PEX7: variants seen among roughly 807,000 people sequenced by gnomAD.
PEX7 encodes peroxisomal biogenesis factor 7.
Under a neutral mutation model 47.5 loss-of-function variants are expected in PEX7, and 34 were observed. The observed-to-expected ratio is 0.72, with a 90% CI of 0.54 to 0.95. The LOEUF is 0.95. PEX7 is among the 40% of genes least tolerant of loss of function. The pLI is 0.00. For synonymous variants in PEX7, 141 were observed against 148.8 expected (o/e 0.95, Z 0.38); for missense variants, 394 against 400.3 (o/e 0.98, Z 0.13).
intron 9 of PEX7, among the ~76,000 whole-genome samples, chr6:136,913,069 A>T (rs1033489796): frequency 2.0e-5 from 3 of 152,148 alleles, no homozygotes; most frequent in African/African-American, 7.2e-5. Context: ...GCTTTACTTT[A>T]TCTTCCTCTC....
chr6:136,829,505 C>T (rs1315501398), intron 3 of PEX7, among the ~76,000 whole-genome samples: 2 of 152,168 alleles, frequency 1.3e-5, no homozygotes, highest in African/African-American at 4.8e-5. Flanking sequence ...AACCATTACA[C>T]TGGGGGGTTA....
chr6:136,845,669 T>A lies in PEX7; in HGVS notation c.394T>A (p.Ser132Thr). The A allele has an allele frequency of 6.2e-7, 1 of 1,607,784 alleles. No individual in the cohort carries two copies. Among genetic ancestry groups the A allele is most frequent in the Non-Finnish European group, 8.5e-7 (1 of 1,174,194 alleles). Residue 132 changes from serine to threonine, a missense_variant, in exon 4 of 10, where the codon TCA (serine) becomes ACA (threonine). Coordinates refer to ENST00000318471, the MANE Select transcript of PEX7 (RefSeq NM_000288.4). ...TRGEQLVVSG[S>T]WDQTVKLWDP... Reference sequence around the variant, plus strand: ...AGGTGAACAGCTTGTGGTGTCTGGCTCATGGGATCAAACTGTCAAATTGGT... The same window carrying A: ...AGGTGAACAGCTTGTGGTGTCTGGCACATGGGATCAAACTGTCAAATTGGT...
At chr6:136,834,336 C>T (rs1774349190) in intron 3 of PEX7, among the ~76,000 whole-genome samples, 1 of 152,204 alleles carries the variant, frequency 6.6e-6, no homozygotes, top group African/African-American at 2.4e-5. Flanking sequence ...CCTGCTTCAG[C>T]CTCCTAAGTA....
intron 7 of PEX7, chr6:136,870,619 TTTTG>T (rs1681549584): frequency 9.5e-6 from 2 of 210,886 alleles, no homozygotes; most frequent in South Asian, 1.0e-4. Flanking sequence ...AATTTCATCC[TTTTG>T]TTTTTTTACG....
At chr6:136,903,696 TGTCACACAG>T (rs1172463980) in intron 9 of PEX7, among the ~76,000 whole-genome samples, 2 of 152,132 alleles carry the variant, frequency 1.3e-5, no homozygotes, top group African/African-American at 4.8e-5. Context: ...AGGGTCACTG[TGTCACACAG>T]GCTGGAATGC....
intron 8 of PEX7, among the ~76,000 whole-genome samples, chr6:136,881,414 C>T (rs945328093): frequency 3.9e-5 from 6 of 152,116 alleles, no homozygotes; most frequent in African/African-American, 1.2e-4. Flanking sequence ...TCTTGGAATT[C>T]GAACACCTTT....
chr6:136,885,895 GC>G (rs1051536809), intron 8 of PEX7, among the ~76,000 whole-genome samples: 1 of 152,158 alleles, frequency 6.6e-6, no homozygotes, highest in African/African-American at 2.4e-5. Context: ...AAACTTGATG[GC>G]TCAGTTTCCC....
chr6:136,833,336 C>T (rs1774327313), intron 3 of PEX7, among the ~76,000 whole-genome samples: 2 of 152,160 alleles, frequency 1.3e-5, no homozygotes, highest in South Asian at 2.1e-4. Flanking sequence ...CCAGTCACCT[C>T]CTACCAGGTC....
intron 9 of PEX7, among the ~76,000 whole-genome samples, chr6:136,906,624 A>G (rs1323471244): frequency 6.6e-6 from 1 of 152,150 alleles, no homozygotes; most frequent in African/African-American, 2.4e-5. Context: ...ATAAATGGAC[A>G]GACATATCAT....
At chr6:136,870,826 A>T in intron 7 of PEX7, 1 of 352,812 alleles carries the variant, frequency 2.8e-6, no homozygotes, top group Non-Finnish European at 5.5e-6. Context: ...CCTACTGAGT[A>T]GCTGGGACTA....
chr6:136,832,303 C>T (rs1409513679), intron 3 of PEX7, among the ~76,000 whole-genome samples: 1 of 152,252 alleles, frequency 6.6e-6, no homozygotes, highest in Non-Finnish European at 1.5e-5. Flanking sequence ...GGAGCTAGAG[C>T]AGCTGGATGC....
chr6:136,880,753 A>G (rs964917094), intron 8 of PEX7, among the ~76,000 whole-genome samples: 2 of 152,168 alleles, frequency 1.3e-5, no homozygotes, highest in African/African-American at 2.4e-5. Context: ...GGCCCAGTCT[A>G]TATAGCTTTG....
chr6:136,864,216 A>G lies in PEX7; in HGVS notation c.527-2411A>G, dbSNP rs118120149. 3.4e-3 allele frequency among the ~76,000 whole-genome samples: 513 copies of G among 149,724 alleles called. 9 individuals carry two copies. The South Asian group carries it at 0.043, about 13-fold the overall frequency. ...AAAATATGTATAAAATGCTTAGAAC[A>G]GTATGTGGCACATTGGAAGCACTCA... On this transcript the variant is annotated intron_variant, in intron 5 of 9. Coordinates refer to ENST00000318471, the MANE Select transcript of PEX7 (RefSeq NM_000288.4).
chr6:136,822,870 G>A (rs1774106655), intron 1 of PEX7, 75 bp downstream of exon 1: 2 of 1,224,038 alleles, frequency 1.6e-6, no homozygotes, highest in South Asian at 3.5e-5. Context: ...AGTTCCTCGC[G>A]CTCGAGGGAA....
At chr6:136,858,915 G>T (rs1403176058) in intron 5 of PEX7, among the ~76,000 whole-genome samples, 3 of 152,014 alleles carry the variant, frequency 2.0e-5, no homozygotes, top group Non-Finnish European at 4.4e-5. Flanking sequence ...CATAATCTTT[G>T]CATAAAGTAA....
At position 136,897,954 on chromosome 6, in the gene PEX7, A is replaced by G. The variant is rs1016794027; in HGVS notation, c.804-188A>G. On this transcript the variant is annotated intron_variant, in intron 8 of 9. Transcript: ENST00000318471. The stretch of plus-strand genomic sequence containing the variant: ...TGTAGGGTTTTTTTTTTATATATAT[A>G]ATAGGATGGAGTACTTTTTTTTCTT... 9.9e-5 allele frequency among the ~76,000 whole-genome samples: 15 copies of G among 151,922 alleles called. 1 individual carries two copies. Among genetic ancestry groups the G allele is most frequent in the Middle Eastern group, 3.4e-3 (1 of 294 alleles).
chr6:136,836,625 AT>A (rs1317769332), intron 3 of PEX7, among the ~76,000 whole-genome samples: 1 of 152,214 alleles, frequency 6.6e-6, no homozygotes, highest in African/African-American at 2.4e-5. Context: ...CAGTATTGTG[AT>A]TATACATTCC....
chr6:136,825,858 G>A (rs1199384489), intron 2 of PEX7, among the ~76,000 whole-genome samples: 4 of 152,032 alleles, frequency 2.6e-5, no homozygotes, highest in East Asian at 1.9e-4. Context: ...TTTTTAGGCC[G>A]TAGTCCCAGC....
chr6:136,895,737 A>G (rs1048095770), intron 8 of PEX7, among the ~76,000 whole-genome samples: 1 of 152,224 alleles, frequency 6.6e-6, no homozygotes, highest in Non-Finnish European at 1.5e-5. Context: ...TACACTTGGT[A>G]TGTTACATAA....
Sources: gnomAD v4.1 joint callset for allele counts (sites outside exome capture counted in the v4.1 genomes callset) on GRCh38, gnomAD v4.1.1 for gene constraint, MANE v1.5 for transcripts, NCBI Gene and HGNC (gene_info 2026-07-23, HGNC 2026-07-21) for gene names.